The following RSRC1 variants were observed in gnomAD, a reference collection of about 807,000 sequenced individuals.
RSRC1 encodes arginine and serine rich coiled-coil 1.
RSRC1 carries 39 observed loss-of-function variants against 49.1 expected under a neutral mutation model. That is an observed-to-expected ratio of 0.79 (90% confidence interval 0.61 to 1.04). The LOEUF (loss-of-function observed/expected upper bound fraction) is 1.04, where lower values mean the gene tolerates loss of function less well. Among genes scored for constraint, RSRC1 ranks in the 50% least tolerant of loss-of-function variants. RSRC1 has a pLI of 0.00. For synonymous variants in RSRC1, 143 were observed against 130.8 expected, an observed-to-expected ratio of 1.09 and a Z score of -0.63; for missense variants, 388 against 402.4, an observed-to-expected ratio of 0.96 and a Z score of 0.31.
chr3:158,394,976 G>A (rs570230034), intron 6 of RSRC1, among the ~76,000 whole-genome samples: 8 of 152,078 alleles, frequency 5.3e-5, no homozygotes, highest in African/African-American at 1.9e-4. Flanking sequence ...TGTGGTACTG[G>A]TACAAAAACA....
chr3:158,359,172 A>C (rs1224216730), intron 6 of RSRC1, among the ~76,000 whole-genome samples: 3 of 152,052 alleles, frequency 2.0e-5, no homozygotes, highest in Non-Finnish European at 4.4e-5. Flanking sequence ...TTACTTTCGC[A>C]CCAATAGCAG....
At chr3:158,385,068 TG>T (rs1362873747) in intron 6 of RSRC1, among the ~76,000 whole-genome samples, 1 of 152,174 alleles carries the variant, frequency 6.6e-6, no homozygotes, top group African/African-American at 2.4e-5. Context: ...CAATGAAATT[TG>T]CTTTTTCTTT....
chr3:158,161,066 A>G (rs1043948393), intron 3 of RSRC1, among the ~76,000 whole-genome samples: 7 of 152,186 alleles, frequency 4.6e-5, no homozygotes, highest in Non-Finnish European at 5.9e-5. Context: ...AAGACTAACT[A>G]GTTCCAGAGC....
intron 4 of RSRC1, among the ~76,000 whole-genome samples, chr3:158,282,683 G>A (rs564191370): frequency 6.6e-6 from 1 of 152,292 alleles, no homozygotes; most frequent in East Asian, 1.9e-4. Context: ...CATGGTGGGA[G>A]TTTAATTGGT....
At chr3:158,275,263 G>A (rs1317102777) in intron 4 of RSRC1, among the ~76,000 whole-genome samples, 1 of 152,158 alleles carries the variant, frequency 6.6e-6, no homozygotes, top group Non-Finnish European at 1.5e-5. Flanking sequence ...ACTTAAAATG[G>A]TACTGTGGAG....
rs1344403982 is a variant in RSRC1, at chr3:158,166,160, G to A, written c.321-36912G>A. On this transcript the variant is annotated intron_variant, in intron 3 of 9. Transcript: ENST00000611884. ...GTGTGACGGGGATAAGCTGGGTAAT[G>A]TCTACATTTACTTTTAAAAGTTTCT... Among the ~76,000 whole-genome samples the A allele has an allele frequency of 2.0e-5, 3 of 152,164 alleles. No individual in the cohort carries two copies. The East Asian group carries it at 5.8e-4, about 29-fold the overall frequency.
At chr3:158,534,172 A>G (rs914431759) in intron 7 of RSRC1, among the ~76,000 whole-genome samples, 4 of 151,682 alleles carry the variant, frequency 2.6e-5, no homozygotes, top group Admixed American at 2.0e-4. Context: ...ACACATCTTC[A>G]TAAGAGCCAT....
intron 5 of RSRC1, among the ~76,000 whole-genome samples, chr3:158,317,278 G>T (rs1319751675): frequency 3.3e-5 from 5 of 152,172 alleles, no homozygotes; most frequent in Non-Finnish European, 5.9e-5. Flanking sequence ...CTCCAGGCTG[G>T]AGTATAGTGG....
intron 3 of RSRC1, among the ~76,000 whole-genome samples, chr3:158,147,705 A>G (rs941506271): frequency 2.6e-5 from 4 of 152,182 alleles, no homozygotes; most frequent in East Asian, 1.9e-4. Context: ...CCAGTTTCCT[A>G]CTACATTATT....
rs184328973 is a variant in RSRC1 at position 158,530,724 on chromosome 3, G to A, written c.653-6368G>A. On this transcript the variant is annotated intron_variant, in intron 7 of 9. Transcript: ENST00000611884. ...GGAGACCAACACTCTTGAACCACTT[G>A]CCCAAAGCCACACAGCTGGTACATA... Among the ~76,000 whole-genome samples, 499 of 151,536 alleles carry A rather than the reference G, an allele frequency of 3.3e-3. 3 individuals carry two copies. Among genetic ancestry groups the A allele is most frequent in the Non-Finnish European group, 5.4e-3 (366 of 67,786 alleles).
At chr3:158,264,216 T>C (rs892805724) in intron 4 of RSRC1, among the ~76,000 whole-genome samples, 5 of 152,204 alleles carry the variant, frequency 3.3e-5, no homozygotes, top group Non-Finnish European at 5.9e-5. Flanking sequence ...AATTCTGATA[T>C]TATGTTTTTG....
chr3:158,388,615 T>G (rs1733091850), intron 6 of RSRC1, among the ~76,000 whole-genome samples: 1 of 151,026 alleles, frequency 6.6e-6, no homozygotes, highest in African/African-American at 2.4e-5. Context: ...GTTTTTTGTT[T>G]TTTTTTTTTT....
intron 4 of RSRC1, among the ~76,000 whole-genome samples, chr3:158,287,974 G>C (rs957361696): frequency 6.6e-6 from 1 of 152,140 alleles, no homozygotes; most frequent in African/African-American, 2.4e-5. Flanking sequence ...TGCATACCAG[G>C]ATATACTGTT....
Position 158,507,893 on chromosome 3 carries a change from T to C in RSRC1, c.653-29199T>C, listed in dbSNP as rs373813745. Among the ~76,000 whole-genome samples, 9 of 152,080 alleles carry C rather than the reference T, an allele frequency of 5.9e-5. No homozygotes were observed. The East Asian group carries it at 1.4e-3, about 23-fold the overall frequency. ...TTTGAGACCAGCCTAGGTAACATAG[T>C]GAGACCCCATTTCAACTAAAAAAAT... On this transcript the variant is annotated intron_variant, in intron 7 of 9. Transcript: ENST00000611884.
At chr3:158,451,472 A>G (rs1737024002) in intron 6 of RSRC1, among the ~76,000 whole-genome samples, 1 of 152,020 alleles carries the variant, frequency 6.6e-6, no homozygotes, top group South Asian at 2.1e-4. Flanking sequence ...GCAGACACTT[A>G]TTATTGCTCT....
Position 158,460,957 on chromosome 3 carries a change from A to T in RSRC1, c.606A>T (p.Lys202Asn). ...CAGCAAAAGCTGATGAAGCATTGAA[A>T]GCCAAAGAAAGAAATGAGGAAGAAG... ...EAAAKADEAL[K>N]AKERNEEEAK... The change falls in exon 7 of 10, where the codon AAA becomes AAT. Residue 202 changes from lysine to asparagine, a missense_variant. Transcript: ENST00000611884. 6.3e-7 allele frequency: 1 copy of T among 1,599,472 alleles called. No individual in the cohort carries two copies. Among genetic ancestry groups the T allele is most frequent in the African/African-American group, 1.3e-5 (1 of 74,466 alleles).
intron 1 of RSRC1, 121 bp from the exon 2 acceptor site, chr3:158,121,982 G>C (rs1321342495): frequency 1.9e-6 from 1 of 537,480 alleles, no homozygotes; most frequent in Non-Finnish European, 3.0e-6. Flanking sequence ...TCCAGCCTGG[G>C]ATACAGAGGG....
intron 5 of RSRC1, among the ~76,000 whole-genome samples, chr3:158,337,285 C>T (rs1729965034): frequency 6.6e-6 from 1 of 152,230 alleles, no homozygotes; most frequent in South Asian, 2.1e-4. Flanking sequence ...CATTCATCAT[C>T]TGCACTTCCA....
intron 5 of RSRC1, chr3:158,302,726 A>G (rs779332462): frequency 2.2e-5 from 3 of 136,932 alleles, no homozygotes; most frequent in Non-Finnish European, 4.5e-5. Context: ...CAGTGGTGCA[A>G]TCTTGGCTCA....
Sources: allele counts gnomAD v4.1 joint callset (sites outside exome capture counted in the v4.1 genomes callset), GRCh38; gene constraint gnomAD v4.1.1; transcripts MANE v1.5; gene names NCBI Gene and HGNC (gene_info 2026-07-23, HGNC 2026-07-21).